The following FER variants were observed in gnomAD, a reference collection of about 807,000 sequenced individuals.
FER encodes the protein FER tyrosine kinase, also known as tyrosine-protein kinase Fer.
FER carries 63 observed loss-of-function variants against 111.0 expected under a neutral mutation model. That is an observed-to-expected ratio of 0.57 (90% confidence interval 0.46 to 0.70). The LOEUF (loss-of-function observed/expected upper bound fraction) is 0.70, where lower values mean the gene tolerates loss of function less well. FER is among the 30% of genes least tolerant of loss of function. The pLI is 0.00. For missense variants in FER, 914 were observed against 954.0 expected (o/e 0.96, Z 0.55); for synonymous variants, 327 against 313.9 (o/e 1.04, Z -0.44).
chr5:109,018,552 T>A (rs1000944772), intron 13 of FER, among the ~76,000 whole-genome samples: 1 of 151,804 alleles, frequency 6.6e-6, no homozygotes, highest in Non-Finnish European at 1.5e-5. Flanking sequence ...CAATAGTGGA[T>A]GTGTAGAATG....
chr5:109,071,350 A>G lies in FER; in HGVS notation c.1924+24152A>G, dbSNP rs183753511. ...ATTTTTTCTCTTCATAATTAGACTG[A>G]CCTTATGGATTTTGGAAAAATATCA... is the stretch of plus-strand genomic sequence containing the variant. On this transcript the variant is annotated intron_variant, in intron 16 of 19. Coordinates refer to ENST00000281092, the MANE Select transcript of FER (RefSeq NM_005246.4). 6.6e-5 allele frequency among the ~76,000 whole-genome samples: 10 copies of G among 152,116 alleles called. No individual in the cohort carries two copies. The East Asian group carries it at 1.5e-3, about 23-fold the overall frequency.
chr5:108,991,515 C>G (rs543867773), intron 13 of FER, among the ~76,000 whole-genome samples: 2 of 151,996 alleles, frequency 1.3e-5, no homozygotes, highest in Non-Finnish European at 1.5e-5. Flanking sequence ...CTTTTCAGAT[C>G]GTATACTTTG....
At chr5:109,154,415 A>G (rs1286716581) in intron 17 of FER, among the ~76,000 whole-genome samples, 1 of 151,962 alleles carries the variant, frequency 6.6e-6, no homozygotes, top group Non-Finnish European at 1.5e-5. Flanking sequence ...TTATTAGGAA[A>G]GATAAGATAA....
chr5:109,067,528 C>T (rs1581884143), intron 16 of FER, among the ~76,000 whole-genome samples: 2 of 151,486 alleles, frequency 1.3e-5, no homozygotes, highest in South Asian at 4.2e-4. Context: ...CTGTTCTGCC[C>T]TCTTTATTTT....
chr5:108,919,574 T>A (rs1351101833), intron 10 of FER, among the ~76,000 whole-genome samples: 2 of 152,210 alleles, frequency 1.3e-5, no homozygotes, highest in African/African-American at 4.8e-5. Flanking sequence ...AATTACTCTT[T>A]ACTGTGTGCT....
At chr5:108,757,827 T>C (rs565567269) in intron 1 of FER, among the ~76,000 whole-genome samples, 1 of 152,332 alleles carries the variant, frequency 6.6e-6, no homozygotes, top group African/African-American at 2.4e-5. Flanking sequence ...AGGGGTTTGC[T>C]ATGGTGACTA....
At chr5:108,945,233 T>C (rs969561161) in intron 10 of FER, among the ~76,000 whole-genome samples, 2 of 152,144 alleles carry the variant, frequency 1.3e-5, no homozygotes, top group Non-Finnish European at 2.9e-5. Context: ...TCTTGTTCTT[T>C]TGTCTGCTGC....
At chr5:109,168,547 G>A (rs779814048) in intron 17 of FER, among the ~76,000 whole-genome samples, 10 of 152,116 alleles carry the variant, frequency 6.6e-5, no homozygotes, top group Admixed American at 2.0e-4. Flanking sequence ...AAAGATGAGG[G>A]AGGTGCTGGA....
chr5:109,043,919 C>T (rs1201563257), intron 14 of FER, among the ~76,000 whole-genome samples: 5 of 151,216 alleles, frequency 3.3e-5, no homozygotes, highest in African/African-American at 4.9e-5. Flanking sequence ...TGCAGTGAGC[C>T]GAGATTGTGC....
chr5:109,014,134 G>A (rs1766699996), intron 13 of FER, among the ~76,000 whole-genome samples: 1 of 151,174 alleles, frequency 6.6e-6, no homozygotes, highest in African/African-American at 2.4e-5. Context: ...TGCTTTTGGT[G>A]TTTTAGACAT....
chr5:108,839,035 T>A (rs1292162641), intron 5 of FER, among the ~76,000 whole-genome samples: 2 of 149,038 alleles, frequency 1.3e-5, no homozygotes, highest in African/African-American at 2.6e-5. Flanking sequence ...TTAACAAACA[T>A]TTAGATACAA....
intron 10 of FER, among the ~76,000 whole-genome samples, chr5:108,937,245 T>A (rs747349047): frequency 2.0e-5 from 3 of 151,984 alleles, no homozygotes; most frequent in African/African-American, 7.2e-5. Context: ...GAGTGTGTGC[T>A]TGGGCCTCTA....
intron 13 of FER, among the ~76,000 whole-genome samples, chr5:108,962,658 A>G (rs569844876): frequency 6.6e-6 from 1 of 152,376 alleles, no homozygotes; most frequent in South Asian, 2.1e-4. Context: ...AGCAATGGCT[A>G]GGAGCCCAGG....
chr5:109,007,083 T>A (rs926866568), intron 13 of FER, among the ~76,000 whole-genome samples: 1 of 152,224 alleles, frequency 6.6e-6, no homozygotes, highest in Non-Finnish European at 1.5e-5. Context: ...TTAGATGGGT[T>A]ATTCAGAAAA....
intron 11 of FER, among the ~76,000 whole-genome samples, chr5:108,953,389 A>C (rs1380779026): frequency 6.6e-6 from 1 of 152,010 alleles, no homozygotes. Flanking sequence ...AGTTTACCAA[A>C]ACTTCCATAT....
At chr5:108,895,986 A>G (rs1749031601) in intron 9 of FER, among the ~76,000 whole-genome samples, 1 of 152,078 alleles carries the variant, frequency 6.6e-6, no homozygotes, top group East Asian at 1.9e-4. Flanking sequence ...AATTACTGTA[A>G]CAATACTACT....
intron 14 of FER, among the ~76,000 whole-genome samples, chr5:109,040,155 C>A (rs1770954859): frequency 6.6e-6 from 1 of 151,946 alleles, no homozygotes; most frequent in Non-Finnish European, 1.5e-5. Context: ...ATGAAACTTC[C>A]AAGTGGGGAT....
intron 16 of FER, among the ~76,000 whole-genome samples, chr5:109,099,924 G>C (rs1748015297): frequency 1.3e-5 from 2 of 151,572 alleles, no homozygotes; most frequent in South Asian, 4.1e-4. Flanking sequence ...GGTGTGAATA[G>C]TCTAATTTTT....
chr5:108,775,816 G>A (rs1753424945), intron 2 of FER, among the ~76,000 whole-genome samples: 1 of 152,156 alleles, frequency 6.6e-6, no homozygotes, highest in Admixed American at 6.5e-5. Context: ...TATTTTGGTA[G>A]CTAAGCTTTG....
Sources: allele counts gnomAD v4.1 joint callset (sites outside exome capture counted in the v4.1 genomes callset), GRCh38; gene constraint gnomAD v4.1.1; transcripts MANE v1.5; gene names NCBI Gene and HGNC (gene_info 2026-07-23, HGNC 2026-07-21).